Variants in HECW1 observed in about 807,000 individuals in gnomAD.
The protein encoded by HECW1 is HECT, C2 and WW domain containing E3 ubiquitin protein ligase 1, also known as E3 ubiquitin-protein ligase HECW1.
HECW1 carries 61 observed loss-of-function variants against 182.3 expected under a neutral mutation model. The observed-to-expected ratio is 0.33, with a 90% CI of 0.27 to 0.41. The LOEUF is 0.41. HECW1 is among the 10% of genes least tolerant of loss of function. The pLI, the probability that HECW1 is intolerant of heterozygous loss-of-function variation, is 1.00. For synonymous variants in HECW1, 859 were observed against 832.6 expected (o/e 1.03, Z -0.55); for missense variants, 1,739 against 2,108.9 (o/e 0.82, Z 3.44).
At chr7:43,537,762 C>T (rs1331152728) in intron 24 of HECW1, among the ~76,000 whole-genome samples, 2 of 152,044 alleles carry the variant, frequency 1.3e-5, no homozygotes, top group Admixed American at 6.6e-5. Context: ...AGCCAAACCA[C>T]GTTATCATAG....
At chr7:43,145,532 A>C (rs993732689) in intron 2 of HECW1, among the ~76,000 whole-genome samples, 174 of 152,186 alleles carry the variant, frequency 1.1e-3, no homozygotes, top group African/African-American at 3.8e-3. Context: ...TCCTGGGCTC[A>C]AGCAATCCTC....
At chr7:43,237,523 A>G (rs1014577223) in intron 2 of HECW1, among the ~76,000 whole-genome samples, 35 of 152,204 alleles carry the variant, frequency 2.3e-4, no homozygotes, top group African/African-American at 7.7e-4. Flanking sequence ...TGGGCATATT[A>G]CAGTGACTCT....
At chr7:43,133,826 A>C in intron 2 of HECW1, among the ~76,000 whole-genome samples, 1 of 151,886 alleles carries the variant, frequency 6.6e-6, no homozygotes, top group Non-Finnish European at 1.5e-5. Flanking sequence ...AGTTTTCATG[A>C]GTGTCTTTTA....
At chr7:43,497,669 T>C (rs2152922246) in intron 19 of HECW1, among the ~76,000 whole-genome samples, 1 of 152,092 alleles carries the variant, frequency 6.6e-6, no homozygotes, top group East Asian at 1.9e-4. Context: ...TGGGAAAATA[T>C]GGATGAAGAG....
At chr7:43,514,488 C>G (rs987019408) in intron 24 of HECW1, among the ~76,000 whole-genome samples, 3 of 151,982 alleles carry the variant, frequency 2.0e-5, no homozygotes, top group African/African-American at 7.3e-5. Flanking sequence ...GGGGTTTCAC[C>G]ATGTTGGACA....
rs1021731579 is a variant in HECW1 at position 43,405,507 on chromosome 7, G to A, written c.632-2055G>A. On this transcript the variant is annotated intron_variant, in intron 7 of 29. Coordinates refer to ENST00000395891, the MANE Select transcript of HECW1 (RefSeq NM_015052.5). ...CACAGACATGCTTCATTCCCCCAGC[G>A]TGAACTGTGACAGCACGTGGAAATG... 3.9e-5 allele frequency among the ~76,000 whole-genome samples: 6 copies of A among 152,134 alleles called. No homozygotes were observed. The South Asian group carries it at 8.3e-4, about 21-fold the overall frequency.
At chr7:43,462,799 C>G (rs2077633779) in intron 13 of HECW1, among the ~76,000 whole-genome samples, 2 of 152,204 alleles carry the variant, frequency 1.3e-5, no homozygotes, top group Non-Finnish European at 2.9e-5. Flanking sequence ...CATGTTGTTT[C>G]TTTTCTGAAA....
At chr7:43,206,325 G>A (rs1199026359) in intron 2 of HECW1, among the ~76,000 whole-genome samples, 1 of 152,152 alleles carries the variant, frequency 6.6e-6, no homozygotes, top group East Asian at 1.9e-4. Flanking sequence ...TAAATCAAGG[G>A]GTTAGGAAGA....
At chr7:43,507,003 G>C in intron 21 of HECW1, 134 bp from the exon 22 acceptor site, 2 of 1,043,854 alleles carry the variant, frequency 1.9e-6, no homozygotes, top group Non-Finnish European at 2.6e-6. Context: ...CCAGGAGGTG[G>C]AAGTTGCGGT....
intron 16 of HECW1, among the ~76,000 whole-genome samples, chr7:43,471,576 G>A (rs143211670): frequency 1.3e-5 from 2 of 152,300 alleles, no homozygotes; most frequent in African/African-American, 2.4e-5. Context: ...AGGAGGACCG[G>A]GGCAAAGAAC....
chr7:43,360,182 C>CT (rs1815691090), intron 5 of HECW1, among the ~76,000 whole-genome samples: 1 of 151,500 alleles, frequency 6.6e-6, no homozygotes, highest in African/African-American at 2.4e-5. Context: ...CCCCTAAACT[C>CT]TTTACATTCT....
chr7:43,428,700 G>A (rs2076436821), intron 8 of HECW1, among the ~76,000 whole-genome samples: 1 of 152,214 alleles, frequency 6.6e-6, no homozygotes, highest in Non-Finnish European at 1.5e-5. Context: ...ACGTGCAGAA[G>A]GCAAAGTTAG....
intron 2 of HECW1, among the ~76,000 whole-genome samples, chr7:43,175,782 C>T (rs946994024): frequency 2.0e-5 from 3 of 152,172 alleles, no homozygotes; most frequent in African/African-American, 4.8e-5. Flanking sequence ...GCAAACTGCC[C>T]GCTTTGATAA....
At chr7:43,233,519 C>T (rs1242337354) in intron 2 of HECW1, among the ~76,000 whole-genome samples, 5 of 152,048 alleles carry the variant, frequency 3.3e-5, no homozygotes, top group South Asian at 2.1e-4. Flanking sequence ...TTTAGCAGGC[C>T]GATGATAGAT....
chr7:43,496,593 C>T (rs2079131986), intron 19 of HECW1, among the ~76,000 whole-genome samples: 1 of 152,178 alleles, frequency 6.6e-6, no homozygotes, highest in Non-Finnish European at 1.5e-5. Flanking sequence ...GAATACCACT[C>T]TCCTCAGGAC....
chr7:43,416,109 G>A (rs1005443793), intron 8 of HECW1, among the ~76,000 whole-genome samples: 3 of 151,808 alleles, frequency 2.0e-5, no homozygotes, highest in Admixed American at 6.6e-5. Flanking sequence ...GATGCTCTGC[G>A]TTTTAGAGTT....
intron 2 of HECW1, chr7:43,241,324 G>T (rs17172178): frequency 2.6e-5 from 4 of 152,150 alleles, no homozygotes; most frequent in African/African-American, 9.7e-5. Flanking sequence ...GATGAAAGAG[G>T]GTTCCATCCA....
chr7:43,413,923 G>C (rs1400222797), intron 8 of HECW1, among the ~76,000 whole-genome samples: 1 of 141,004 alleles, frequency 7.1e-6, no homozygotes, highest in Non-Finnish European at 1.5e-5. Flanking sequence ...GCTTAGGATT[G>C]ACTTGGCAAT....
chr7:43,351,412 G>A (rs1014031208), intron 5 of HECW1, among the ~76,000 whole-genome samples: 3 of 152,100 alleles, frequency 2.0e-5, no homozygotes, highest in Non-Finnish European at 4.4e-5. Context: ...AGTGGTGGGC[G>A]ATGCCTTAGA....
Sources: allele counts gnomAD v4.1 joint callset (sites outside exome capture counted in the v4.1 genomes callset), GRCh38; gene constraint gnomAD v4.1.1; transcripts MANE v1.5; gene names NCBI Gene and HGNC (gene_info 2026-07-23, HGNC 2026-07-21).